The following FOXJ3 variants were observed in gnomAD, a reference collection of about 807,000 sequenced individuals.
The protein encoded by FOXJ3 is forkhead box J3, also known as forkhead box protein J3.
A neutral mutation model predicts 76.1 loss-of-function variants in FOXJ3; 22 were observed. The ratio of observed to expected loss-of-function variants is 0.29; its 90% confidence interval spans 0.21 to 0.41. The LOEUF is 0.41. Among genes scored for constraint, FOXJ3 ranks in the 10% least tolerant of loss-of-function variants. The probability of loss-of-function intolerance (pLI) is 1.00; values close to 1 mark genes in which losing one functional copy is unlikely to be tolerated. For synonymous variants in FOXJ3, 269 were observed against 261.2 expected, an observed-to-expected ratio of 1.03 and a Z score of -0.29; for missense variants, 613 against 762.1, an observed-to-expected ratio of 0.80 and a Z score of 2.30.
intron 1 of FOXJ3, among the ~76,000 whole-genome samples, chr1:42,317,336 G>A (rs1354260157): frequency 6.6e-6 from 1 of 152,038 alleles, no homozygotes; most frequent in Non-Finnish European, 1.5e-5. Flanking sequence ...AAAGAATCCT[G>A]ATGAGTGAGA....
At chr1:42,247,300 C>A (rs1008521993) in intron 4 of FOXJ3, among the ~76,000 whole-genome samples, 1 of 151,950 alleles carries the variant, frequency 6.6e-6, no homozygotes, top group African/African-American at 2.4e-5. Flanking sequence ...TAATATGTAT[C>A]AATTAAAAAG....
intron 3 of FOXJ3, among the ~76,000 whole-genome samples, chr1:42,277,976 CAAA>C (rs755384247): frequency 8.5e-4 from 44 of 51,568 alleles, no homozygotes; most frequent in African/African-American, 2.3e-3. Flanking sequence ...GACTCCATCT[CAAA>C]AAAAAAAAAA....
At chr1:42,189,472 T>C in intron 9 of FOXJ3, 68 bp from the exon 10 acceptor site, 4 of 1,083,978 alleles carry the variant, frequency 3.7e-6, no homozygotes, top group Non-Finnish European at 5.6e-6. Flanking sequence ...GGGAAAACGA[T>C]GAGCTGCCCT....
intron 1 of FOXJ3, among the ~76,000 whole-genome samples, chr1:42,331,466 A>G (rs1237670154): frequency 6.6e-6 from 1 of 152,234 alleles, no homozygotes; most frequent in African/African-American, 2.4e-5. Context: ...ATATACATAC[A>G]GTGGAATATT....
chr1:42,262,110 C>G (rs193244928), intron 4 of FOXJ3, among the ~76,000 whole-genome samples: 1 of 152,336 alleles, frequency 6.6e-6, no homozygotes, highest in Non-Finnish European at 1.5e-5. Flanking sequence ...AAACCAGAAG[C>G]TGCTGAAAGA....
At chr1:42,322,635 G>C (rs868293015) in intron 1 of FOXJ3, among the ~76,000 whole-genome samples, 14 of 152,058 alleles carry the variant, frequency 9.2e-5, no homozygotes, top group African/African-American at 2.4e-4. Flanking sequence ...TTCTTTCTCA[G>C]ATTTCAGGAA....
intron 2 of FOXJ3, among the ~76,000 whole-genome samples, chr1:42,296,878 T>C (rs1157977454): frequency 6.6e-6 from 1 of 152,234 alleles, no homozygotes; most frequent in Admixed American, 6.5e-5. Context: ...ATTGAATCTG[T>C]AGATTGCTTT....
chr1:42,235,385 C>T (rs199679049), intron 4 of FOXJ3, among the ~76,000 whole-genome samples: 6 of 149,488 alleles, frequency 4.0e-5, no homozygotes, highest in African/African-American at 7.4e-5. Context: ...CTTCGGCTCA[C>T]GCTCGGTGCG....
rs765384065 is a variant in FOXJ3 at position 42,188,759 on chromosome 1, T to C, written c.1623A>G (p.Lys541=). 11 of 1,604,776 alleles carry C rather than the reference T, an allele frequency of 6.9e-6. No individual in the cohort carries two copies. The highest frequency in any genetic ancestry group is 9.4e-6 in the Non-Finnish European group (11 of 1,174,908). ...TACCTGTTCCAATGTGTTGGGAAGG[T>C]TTTGTTGGATGCATGGCACCATGAC... ...NVCHGAMHPT[K]PSQHIGTGNL... is the part of the protein sequence containing the mutation. The change falls in exon 11 of 13, where the codon AAA becomes AAG. Residue 541 remains lysine, a synonymous_variant. Transcript: ENST00000361346.
chr1:42,194,844 T>C, intron 8 of FOXJ3, 46 bp downstream of exon 8: 1 of 1,267,382 alleles, frequency 7.9e-7, no homozygotes, highest in South Asian at 1.4e-5. Flanking sequence ...TTAAAAACCT[T>C]TTTCCAATAA....
intron 11 of FOXJ3, among the ~76,000 whole-genome samples, 192 bp from the exon 12 acceptor site, chr1:42,182,216 C>T (rs746569817): frequency 3.3e-5 from 5 of 152,124 alleles, no homozygotes; most frequent in Non-Finnish European, 5.9e-5. Flanking sequence ...GGTGCCAGGC[C>T]GGGTGTGAAC....
At chr1:42,230,905 T>C (rs1207259423) in intron 4 of FOXJ3, among the ~76,000 whole-genome samples, 4 of 152,194 alleles carry the variant, frequency 2.6e-5, no homozygotes, top group Non-Finnish European at 4.4e-5. Flanking sequence ...CCCATGTTCA[T>C]AGTAATATTA....
chr1:42,311,503 A>G (rs1009676751), intron 1 of FOXJ3, among the ~76,000 whole-genome samples: 1 of 152,204 alleles, frequency 6.6e-6, no homozygotes, highest in Non-Finnish European at 1.5e-5. Context: ...GCTACCACAG[A>G]GTTAAGCATG....
intron 2 of FOXJ3, among the ~76,000 whole-genome samples, chr1:42,284,513 G>A (rs1337077336): frequency 6.6e-6 from 1 of 152,196 alleles, no homozygotes; most frequent in Non-Finnish European, 1.5e-5. Context: ...CCCTTGTCCT[G>A]CAATTTCAGC....
At chr1:42,294,510 G>A (rs1202853435) in intron 2 of FOXJ3, among the ~76,000 whole-genome samples, 1 of 152,076 alleles carries the variant, frequency 6.6e-6, no homozygotes, top group Non-Finnish European at 1.5e-5. Context: ...CATAATCCCA[G>A]TACTTTGGGA....
chr1:42,274,692 A>G (rs892383602), intron 3 of FOXJ3, among the ~76,000 whole-genome samples: 17 of 152,218 alleles, frequency 1.1e-4, no homozygotes, highest in Admixed American at 5.9e-4. Flanking sequence ...AAATAATAAA[A>G]GCAGCTATTA....
intron 2 of FOXJ3, among the ~76,000 whole-genome samples, chr1:42,298,055 A>G (rs1379905363): frequency 6.6e-6 from 1 of 152,092 alleles, no homozygotes; most frequent in Non-Finnish European, 1.5e-5. Context: ...TCATGGGGGC[A>G]GTTACCCTCA....
intron 2 of FOXJ3, among the ~76,000 whole-genome samples, chr1:42,283,864 T>G (rs918400334): frequency 9.2e-5 from 14 of 152,210 alleles, no homozygotes; most frequent in African/African-American, 2.7e-4. Context: ...ACCTTTTACC[T>G]TAGGAATAAA....
intron 2 of FOXJ3, among the ~76,000 whole-genome samples, chr1:42,300,758 G>A (rs1478037859): frequency 1.3e-5 from 2 of 152,102 alleles, no homozygotes; most frequent in Non-Finnish European, 2.9e-5. Context: ...GGTCTGGCCA[G>A]CAGACTGAGA....
Sources: allele counts gnomAD v4.1 joint callset (sites outside exome capture counted in the v4.1 genomes callset), GRCh38; gene constraint gnomAD v4.1.1; transcripts MANE v1.5; gene names NCBI Gene and HGNC (gene_info 2026-07-23, HGNC 2026-07-21).